GALNTL6: variants seen among roughly 807,000 people sequenced by gnomAD.
GALNTL6 encodes the protein polypeptide N-acetylgalactosaminyltransferase like 6, also known as polypeptide N-acetylgalactosaminyltransferase-like 6.
GALNTL6 carries 46 observed loss-of-function variants against 73.7 expected under a neutral mutation model. The ratio of observed to expected loss-of-function variants is 0.62; its 90% CI spans 0.49 to 0.80. GALNTL6 has a LOEUF of 0.80. Among genes scored for constraint, GALNTL6 ranks in the 30% least tolerant of loss-of-function variants. The pLI, the probability that GALNTL6 is intolerant of heterozygous loss-of-function variation, is 0.00. For synonymous variants in GALNTL6, 259 were observed against 263.7 expected (o/e 0.98, Z 0.17); for missense variants, 604 against 755.0 (o/e 0.80, Z 2.34).
intron 5 of GALNTL6, among the ~76,000 whole-genome samples, chr4:172,591,942 T>C (rs892962317): frequency 6.6e-6 from 1 of 152,164 alleles, no homozygotes; most frequent in Non-Finnish European, 1.5e-5. Context: ...GGAGCAAAAC[T>C]CTTTGGAGGC....
chr4:171,881,221 A>C (rs1380460126), intron 2 of GALNTL6, among the ~76,000 whole-genome samples: 2 of 152,210 alleles, frequency 1.3e-5, no homozygotes, highest in Non-Finnish European at 2.9e-5. Flanking sequence ...TTCTCTAAAC[A>C]ACTGGCCTAA....
rs1323864430 is a variant in GALNTL6 at position 172,658,626 on chromosome 4, T to G, written c.554-150735T>G. Among the ~76,000 whole-genome samples, 4 of 152,156 alleles carry G rather than the reference T, an allele frequency of 2.6e-5. No homozygotes were observed. The East Asian group carries it at 7.7e-4, about 29-fold the overall frequency. On this transcript the variant is annotated intron_variant, in intron 5 of 12. Coordinates refer to ENST00000506823, the MANE Select transcript of GALNTL6 (RefSeq NM_001034845.3). ...TCTTCCCAAGAATCCCCGATGATAT[T>G]AGGAAGCACATCGAATTAGCCACCA...
chr4:171,995,666 G>T (rs1032863641), intron 2 of GALNTL6, among the ~76,000 whole-genome samples: 5 of 151,762 alleles, frequency 3.3e-5, no homozygotes, highest in Non-Finnish European at 5.9e-5. Flanking sequence ...GTTTCCTTTG[G>T]CAGATGCAAT....
chr4:172,740,749 C>T (rs1736750909), intron 5 of GALNTL6, among the ~76,000 whole-genome samples: 1 of 151,884 alleles, frequency 6.6e-6, no homozygotes, highest in Non-Finnish European at 1.5e-5. Flanking sequence ...TTTAAAATTA[C>T]CCACAAGAAT....
At chr4:172,233,614 T>A (rs1185829449) in intron 3 of GALNTL6, among the ~76,000 whole-genome samples, 2 of 152,146 alleles carry the variant, frequency 1.3e-5, no homozygotes, top group East Asian at 1.9e-4. Context: ...TCTATCCTGT[T>A]CTGTGAGTAA....
At chr4:172,789,972 G>A (rs2110925614) in intron 5 of GALNTL6, among the ~76,000 whole-genome samples, 1 of 152,330 alleles carries the variant, frequency 6.6e-6, no homozygotes, top group South Asian at 2.1e-4. Flanking sequence ...ACTATGCTAT[G>A]GAAATAAAAA....
At chr4:171,991,009 G>T (rs1240102362) in intron 2 of GALNTL6, among the ~76,000 whole-genome samples, 1 of 151,882 alleles carries the variant, frequency 6.6e-6, no homozygotes, top group Admixed American at 6.6e-5. Flanking sequence ...TATGACTATC[G>T]ATGTAGAAAA....
rs563981733 is a variant in GALNTL6, at chr4:172,351,527, C to T, written c.553+2838C>T. ...AGAAGAAAAGGAAGATACCCCTAGA[C>T]ATCACTTGTTTACAGGGCCTCTAAG... is the stretch of plus-strand genomic sequence containing the variant. On this transcript the variant is annotated intron_variant, in intron 5 of 12. Transcript: ENST00000506823. Among the ~76,000 whole-genome samples, 9 of 152,236 alleles carry T rather than the reference C, an allele frequency of 5.9e-5. No individual in the cohort carries two copies. In the South Asian group the frequency reaches 1.5e-3, roughly 25 times the overall value.
chr4:171,837,194 TA>T (rs762684715), intron 2 of GALNTL6, among the ~76,000 whole-genome samples: 4 of 152,074 alleles, frequency 2.6e-5, no homozygotes, highest in Non-Finnish European at 5.9e-5. Flanking sequence ...CTGAATCAAA[TA>T]GTGAAACAGC....
chr4:172,977,739 G>A (rs1004269603), intron 10 of GALNTL6, among the ~76,000 whole-genome samples: 1 of 152,158 alleles, frequency 6.6e-6, no homozygotes, highest in Non-Finnish European at 1.5e-5. Context: ...TTACTAGGAA[G>A]CATGTTCTGG....
intron 5 of GALNTL6, among the ~76,000 whole-genome samples, chr4:172,552,552 G>A (rs533278936): frequency 5.9e-5 from 9 of 151,946 alleles, no homozygotes; most frequent in Admixed American, 1.3e-4. Flanking sequence ...TCCAAATTTC[G>A]TGATTGTTTT....
At chr4:172,517,949 T>A (rs1394670850) in intron 5 of GALNTL6, among the ~76,000 whole-genome samples, 1 of 152,114 alleles carries the variant, frequency 6.6e-6, no homozygotes, top group Non-Finnish European at 1.5e-5. Context: ...TGGTTGATTC[T>A]TTTAAAAAGA....
At chr4:172,452,887 G>T (rs963514480) in intron 5 of GALNTL6, among the ~76,000 whole-genome samples, 3 of 152,152 alleles carry the variant, frequency 2.0e-5, no homozygotes, top group Non-Finnish European at 4.4e-5. Context: ...ATTTTTCCCA[G>T]AAATTAAATG....
chr4:171,855,877 G>A (rs1260729841), intron 2 of GALNTL6, among the ~76,000 whole-genome samples: 1 of 152,092 alleles, frequency 6.6e-6, no homozygotes, highest in Non-Finnish European at 1.5e-5. Flanking sequence ...TGAGCATCTT[G>A]TCACATAAAT....
chr4:172,260,427 G>A (rs1738218723), intron 3 of GALNTL6, among the ~76,000 whole-genome samples: 1 of 151,676 alleles, frequency 6.6e-6, no homozygotes, highest in African/African-American at 2.4e-5. Flanking sequence ...GTGTATAGCA[G>A]TGCTACTGAT....
chr4:172,904,692 A>C (rs1341148206), intron 8 of GALNTL6, among the ~76,000 whole-genome samples: 1 of 152,000 alleles, frequency 6.6e-6, no homozygotes, highest in African/African-American at 2.4e-5. Context: ...ACTTATTTTT[A>C]GCCACTTATT....
At chr4:172,778,965 A>AC (rs34242310) in intron 5 of GALNTL6, among the ~76,000 whole-genome samples, 26,270 of 145,938 alleles carry the variant, frequency 0.18, 3,086 homozygotes, top group Middle Eastern at 0.34. Flanking sequence ...TTTTACTACC[A>AC]CCCCCCTTCA....
Position 172,015,923 on chromosome 4 carries a change from ATTTTTTTTTTTTTTTT to A in GALNTL6, c.138+201223_138+201238del, listed in dbSNP as rs70941375. On this transcript the variant is annotated intron_variant, in intron 2 of 12. Transcript: ENST00000506823. Reference sequence around the variant, plus strand: ...AGAAATCAGCTGATAATCTAATAGGATTTTTTTTTTTTTTTTTTTTTTTTTTTTTTTTTGTAGGTTA... The same window carrying A: ...AGAAATCAGCTGATAATCTAATAGGATTTTTTTTTTTTTTTTTGTAGGTTA... Among the ~76,000 whole-genome samples the A allele has an allele frequency of 2.3e-4, 10 of 44,054 alleles. 1 individual carries two copies. Among genetic ancestry groups the A allele is most frequent in the Admixed American group, 4.0e-4 (1 of 2,474 alleles). 28.9% of individuals were successfully genotyped at this position (44,054 alleles called of 152,430 possible).
rs1553989819 is a variant in GALNTL6 at position 172,069,585 on chromosome 4, A to ATGTGTTATATATAT, written c.139-160070_139-160069insGTGTTATATATATT. On this transcript the variant is annotated intron_variant, in intron 2 of 12. Coordinates refer to ENST00000506823, the MANE Select transcript of GALNTL6 (RefSeq NM_001034845.3). ...ATATAACACATATATGTTATATATTATATATATAACACATATATGTTATAT... is the reference window on the plus strand; with the variant it reads ...ATATAACACATATATGTTATATATTATGTGTTATATATATTATATATAACACATATATGTTATAT... Among the ~76,000 whole-genome samples the ATGTGTTATATATAT allele has an allele frequency of 1.4e-3, 32 of 23,436 alleles. 6 individuals carry two copies. The highest frequency in any genetic ancestry group is 3.5e-3 in the East Asian group (6 of 1,706). 15.4% of individuals were successfully genotyped at this position (23,436 alleles called of 152,430 possible). A position where few individuals can be genotyped will look rare whatever the true frequency, so the allele number is the denominator to read the frequency against.
Sources: gnomAD v4.1 joint callset for allele counts (sites outside exome capture counted in the v4.1 genomes callset) on GRCh38, gnomAD v4.1.1 for gene constraint, MANE v1.5 for transcripts, NCBI Gene and HGNC (gene_info 2026-07-23, HGNC 2026-07-21) for gene names.